PPP1R16B: variants seen among roughly 807,000 people sequenced by gnomAD.
The protein encoded by PPP1R16B is protein phosphatase 1 regulatory subunit 16B.
A neutral mutation model predicts 61.7 loss-of-function variants in PPP1R16B; 14 were observed. That is an observed-to-expected ratio of 0.23 (90% confidence interval 0.15 to 0.35). The LOEUF (loss-of-function observed/expected upper bound fraction) is 0.35, where lower values mean the gene tolerates loss of function less well. Ranked by LOEUF, PPP1R16B falls within the 10% of genes least tolerant of loss-of-function variation. PPP1R16B has a pLI of 1.00. For missense variants in PPP1R16B, 547 were observed against 752.5 expected (o/e 0.73, Z 3.19); for synonymous variants, 266 against 305.3 (o/e 0.87, Z 1.34).
chr20:38,900,460 T>C, intron 4 of PPP1R16B, 121 bp from the exon 5 acceptor site: 1 of 676,380 alleles, frequency 1.5e-6, no homozygotes, highest in Non-Finnish European at 2.5e-6. Flanking sequence ...GGGTACACCT[T>C]GGTGGGGTTT....
rs1237026871 is a variant in PPP1R16B, at chr20:38,921,355, T to TA, written c.*2690dup. On this transcript the variant is annotated 3_prime_UTR_variant, in exon 11 of 11. Transcript: ENST00000299824. ...TGAGTAGCTGCAACATGCCAGCCTC[T>TA]ACGTTAGGTTCTGCGGATAAAGGAG... The TA allele has an allele frequency of 2.0e-5, 3 of 152,254 alleles. No homozygotes were observed. The highest frequency in any genetic ancestry group is 4.4e-5 in the Non-Finnish European group (3 of 68,050). The allele number at this position is 152,254 out of a possible 1,614,324, so 9.4% of individuals were successfully genotyped here.
chr20:38,914,118 G>A (rs192291200), intron 10 of PPP1R16B, among the ~76,000 whole-genome samples: 72 of 152,086 alleles, frequency 4.7e-4, no homozygotes, highest in African/African-American at 1.5e-3. Flanking sequence ...GGGAGGCAGA[G>A]GTTGGAGTGA....
intron 1 of PPP1R16B, among the ~76,000 whole-genome samples, chr20:38,817,465 T>C (rs2084743336): frequency 6.7e-6 from 1 of 149,880 alleles, no homozygotes; most frequent in South Asian, 2.1e-4. Flanking sequence ...CTCAGGAGGC[T>C]GAGGCAAGAG....
chr20:38,891,241 C>T (rs142083040), intron 3 of PPP1R16B, among the ~76,000 whole-genome samples: 2 of 152,136 alleles, frequency 1.3e-5, no homozygotes, highest in Non-Finnish European at 2.9e-5. Context: ...GAGCTGTCAC[C>T]CACTAGCTAT....
chr20:38,905,363 G>A (rs1446739505), intron 6 of PPP1R16B, among the ~76,000 whole-genome samples: 2 of 152,148 alleles, frequency 1.3e-5, no homozygotes, highest in Admixed American at 6.5e-5. Context: ...AGTTAGTGCT[G>A]GCTGTTGGCA....
rs1394132356 is a variant in PPP1R16B at position 38,895,963 on chromosome 20, C to T, written c.467+253C>T. ...TTCTTCCCTCCCTCCCTCCTTTCTT[C>T]TTTCTTCCCTCCCTCCCTCCTTCCT... On this transcript the variant is annotated intron_variant, in intron 4 of 10. Transcript: ENST00000299824. Among the ~76,000 whole-genome samples, 11 of 112,148 alleles carry T rather than the reference C, an allele frequency of 9.8e-5. 2 individuals carry two copies. The highest frequency in any genetic ancestry group is 4.6e-4 in the African/African-American group (11 of 24,122). 73.6% of individuals were successfully genotyped at this position (112,148 alleles called of 152,430 possible).
Position 38,918,483 on chromosome 20 carries a change from C to G in PPP1R16B, c.1521C>G (p.Ala507=). 6.2e-7 allele frequency: 1 copy of G among 1,612,814 alleles called. No individual in the cohort carries two copies. The highest frequency in any genetic ancestry group is 8.5e-7 in the Non-Finnish European group (1 of 1,179,090). ...FLSTHLGSSM[A]RTGESSSEGK... The stretch of plus-strand genomic sequence containing the variant: ...GCACACACCTGGGCAGCAGCATGGC[C>G]AGGACGGGCGAGAGTAGCAGTGAAG... The change falls in exon 11 of 11, where the codon GCC becomes GCG. Residue 507 remains alanine, a synonymous_variant. Transcript: ENST00000299824. This position sits in a 1 kb window ranked among gnomAD's most constrained non-coding sequence, Gnocchi z 5.3.
At position 38,907,139 on chromosome 20, in the gene PPP1R16B, G is replaced by A; in HGVS notation, c.898+85G>A. On this transcript the variant is annotated intron_variant, in intron 8 of 10. Coordinates refer to ENST00000299824, the MANE Select transcript of PPP1R16B (RefSeq NM_015568.4). This position sits in a 1 kb window ranked among gnomAD's most constrained non-coding sequence, Gnocchi z 4.5. ...AGAGGGAGAAATAGATAAATATATG[G>A]TTGTATAGATTGATGGATTGGTGTC... 2 of 1,105,732 alleles carry A rather than the reference G, an allele frequency of 1.8e-6. No individual in the cohort carries two copies. Among genetic ancestry groups the A allele is most frequent in the Non-Finnish European group, 2.8e-6 (2 of 725,714 alleles). The allele number at this position is 1,105,732 out of a possible 1,614,324, so 68.5% of individuals were successfully genotyped here. A position where few individuals can be genotyped will look rare whatever the true frequency, so the allele number is the denominator to read the frequency against.
At chr20:38,828,146 C>G (rs1342954340) in intron 1 of PPP1R16B, among the ~76,000 whole-genome samples, 1 of 152,162 alleles carries the variant, frequency 6.6e-6, no homozygotes, top group Non-Finnish European at 1.5e-5. Context: ...TTTCTCGAGG[C>G]ACTAGGCTTG....
intron 2 of PPP1R16B, among the ~76,000 whole-genome samples, chr20:38,864,423 C>T (rs1186296267): frequency 1.3e-5 from 2 of 152,194 alleles, no homozygotes. Context: ...GCTAGTGCCA[C>T]TGGCTTAAAT....
At chr20:38,834,536 T>G (rs1193645424) in intron 1 of PPP1R16B, among the ~76,000 whole-genome samples, 1 of 152,216 alleles carries the variant, frequency 6.6e-6, no homozygotes, top group African/African-American at 2.4e-5. Flanking sequence ...TAATTTTTTT[T>G]TAAAGGTCAT....
chr20:38,909,287 A>G (rs912300720), intron 10 of PPP1R16B, among the ~76,000 whole-genome samples: 1 of 152,220 alleles, frequency 6.6e-6, no homozygotes, highest in African/African-American at 2.4e-5. Context: ...GGTTCGAGCC[A>G]CTGTACCTAG....
intron 1 of PPP1R16B, among the ~76,000 whole-genome samples, chr20:38,833,421 G>A (rs978857058): frequency 1.6e-4 from 25 of 152,164 alleles, no homozygotes; most frequent in Non-Finnish European, 2.6e-4. Context: ...TGTGAAACTA[G>A]GGAAATCGGC....
At chr20:38,900,715 C>A in intron 5 of PPP1R16B, 31 bp downstream of exon 5, 1 of 1,506,570 alleles carries the variant, frequency 6.6e-7, no homozygotes, top group South Asian at 1.3e-5. Flanking sequence ...ATGAAGTGAG[C>A]ACAGCACAGA....
At position 38,918,143 on chromosome 20, in the gene PPP1R16B, C is replaced by A; in HGVS notation, c.1195-14C>A. The A allele has an allele frequency of 6.2e-7, 1 of 1,611,824 alleles. No individual in the cohort carries two copies. The highest frequency in any genetic ancestry group is 1.1e-5 in the South Asian group (1 of 91,006). On this transcript the variant is annotated splice_polypyrimidine_tract_variant and intron_variant, in intron 10 of 10. Transcript: ENST00000299824. The surrounding 1 kb of genome is among the most constrained non-coding windows in gnomAD (Gnocchi z 5.3). Reference sequence around the variant, plus strand: ...CTTCCAGCCAGCTGGTAATGTTGTCCTTCTCACTCGCAGAACCCCAGGCTG... The same window carrying A: ...CTTCCAGCCAGCTGGTAATGTTGTCATTCTCACTCGCAGAACCCCAGGCTG...
At chr20:38,843,620 A>G (rs1178672754) in intron 2 of PPP1R16B, among the ~76,000 whole-genome samples, 1 of 152,222 alleles carries the variant, frequency 6.6e-6, no homozygotes, top group Non-Finnish European at 1.5e-5. Context: ...ACCATCTTCT[A>G]TTCATGAGAA....
At chr20:38,892,729 C>G (rs763145353) in intron 3 of PPP1R16B, among the ~76,000 whole-genome samples, 9 of 152,076 alleles carry the variant, frequency 5.9e-5, no homozygotes, top group Non-Finnish European at 1.2e-4. Flanking sequence ...TGACTCGACT[C>G]AAAGGGGAAC....
chr20:38,849,914 G>A (rs2084957754), intron 2 of PPP1R16B, among the ~76,000 whole-genome samples: 1 of 152,132 alleles, frequency 6.6e-6, no homozygotes, highest in Non-Finnish European at 1.5e-5. Context: ...TTATCTACCT[G>A]TTCAGCTAGT....
chr20:38,810,329 G>C (rs942937273), intron 1 of PPP1R16B, among the ~76,000 whole-genome samples: 2 of 152,224 alleles, frequency 1.3e-5, no homozygotes, highest in Admixed American at 6.5e-5. Context: ...CTATCCTGCC[G>C]GGAGCCCCGA....
Sources: allele counts gnomAD v4.1 joint callset (sites outside exome capture counted in the v4.1 genomes callset), GRCh38; gene constraint gnomAD v4.1.1; non-coding constraint Gnocchi (gnomAD v3.1); transcripts MANE v1.5; gene names NCBI Gene and HGNC (gene_info 2026-07-23, HGNC 2026-07-21).